Variants in POGLUT3 observed in about 807,000 individuals in gnomAD.
POGLUT3 encodes the protein protein O-glucosyltransferase 3.
A neutral mutation model predicts 54.3 loss-of-function variants in POGLUT3; 48 were observed. The observed-to-expected ratio is 0.88, with a 90% CI of 0.70 to 1.12. The LOEUF (loss-of-function observed/expected upper bound fraction) is 1.12. Among genes scored for constraint, POGLUT3 ranks in the 50% most tolerant of loss-of-function variants. POGLUT3 has a pLI of 0.00. For synonymous variants in POGLUT3, 218 were observed against 237.4 expected (o/e 0.92, Z 0.75); for missense variants, 629 against 618.7 (o/e 1.02, Z -0.18).
intron 1 of POGLUT3, 50 bp downstream of exon 1, chr11:108,498,115 C>G: frequency 6.9e-7 from 1 of 1,439,334 alleles, no homozygotes; most frequent in Non-Finnish European, 9.2e-7. Flanking sequence ...GCGGCGGGGA[C>G]GCGCGGGGAC....
chr11:108,495,354 G>A (rs1340661865), intron 1 of POGLUT3, among the ~76,000 whole-genome samples: 1 of 152,030 alleles, frequency 6.6e-6, no homozygotes, highest in African/African-American at 2.4e-5. Context: ...GGATTTTTTT[G>A]GTAGATGGGT....
At chr11:108,481,441 A>C in intron 4 of POGLUT3, 65 bp from the exon 5 acceptor site, 1 of 1,169,758 alleles carries the variant, frequency 8.5e-7, no homozygotes, top group Non-Finnish European at 1.2e-6. Context: ...GGCAAGCATA[A>C]TCCTCTTTAA....
At chr11:108,488,071 T>C (rs1173043207) in intron 2 of POGLUT3, among the ~76,000 whole-genome samples, 1 of 152,124 alleles carries the variant, frequency 6.6e-6, no homozygotes, top group Non-Finnish European at 1.5e-5. Context: ...TTGCCTAGGC[T>C]GGAGTGCAGT....
chr11:108,481,784 T>C (rs2093593177), intron 4 of POGLUT3, among the ~76,000 whole-genome samples: 1 of 152,222 alleles, frequency 6.6e-6, no homozygotes, highest in African/African-American at 2.4e-5. Flanking sequence ...TTCCATTTTC[T>C]GTGTTTCACA....
At chr11:108,485,019 A>C (rs2093600203) in intron 3 of POGLUT3, among the ~76,000 whole-genome samples, 1 of 152,170 alleles carries the variant, frequency 6.6e-6, no homozygotes, top group Admixed American at 6.6e-5. Flanking sequence ...GAGGCTAAGA[A>C]CTTAAGGTCA....
At chr11:108,480,739 T>C (rs1264516392) in intron 5 of POGLUT3, among the ~76,000 whole-genome samples, 6 of 152,136 alleles carry the variant, frequency 3.9e-5, no homozygotes, top group Admixed American at 3.9e-4. Flanking sequence ...GAAGGTCCCA[T>C]AGTTGGTGGC....
chr11:108,475,313 C>G (rs2093578700), intron 7 of POGLUT3, among the ~76,000 whole-genome samples: 1 of 152,148 alleles, frequency 6.6e-6, no homozygotes, highest in Admixed American at 6.6e-5. Flanking sequence ...AGCCAGCAAA[C>G]AAACAAGATA....
intron 7 of POGLUT3, among the ~76,000 whole-genome samples, chr11:108,476,701 C>T (rs1282333318): frequency 6.6e-6 from 1 of 152,088 alleles, no homozygotes; most frequent in African/African-American, 2.4e-5. Flanking sequence ...GAGTAAAACT[C>T]AAGGTAGTTA....
At position 108,474,704 on chromosome 11, in the gene POGLUT3, T is replaced by C. The variant is rs558828735; in HGVS notation, c.*123A>G. On this transcript the variant is annotated 3_prime_UTR_variant, in exon 8 of 8. Transcript: ENST00000323468. Reference sequence around the variant, plus strand: ...ACCAGTACTGCTATATCCATCTACATATATAAAGCCACCGGGAGAACTAGT... The same window carrying C: ...ACCAGTACTGCTATATCCATCTACACATATAAAGCCACCGGGAGAACTAGT... The C allele has an allele frequency of 7.4e-5, 81 of 1,101,708 alleles. No homozygotes were observed. The highest frequency in any genetic ancestry group is 1.1e-4 in the Non-Finnish European group (80 of 758,500). 68.2% of individuals were successfully genotyped at this position (1,101,708 alleles called of 1,614,324 possible).
In POGLUT3 at chr11:108,498,221, T is replaced by C; in HGVS notation, c.146A>G (p.Tyr49Cys). The change falls in exon 1 of 8, where the codon TAT (tyrosine) becomes TGT (cysteine). Residue 49 changes from tyrosine (Y) to cysteine (C), a missense_variant. By Grantham distance (194) the Tyr-to-Cys change is radical. Coordinates refer to ENST00000323468, the MANE Select transcript of POGLUT3 (RefSeq NM_153705.5). Reference sequence around the variant, plus strand: ...CGAGTTGACCGCCTGCAGGTAGAAATAGCGGACCGGCAGGACGACGGCCGC... The same window carrying C: ...CGAGTTGACCGCCTGCAGGTAGAAACAGCGGACCGGCAGGACGACGGCCGC... The part of the protein sequence containing the change: ...LQAAVVLPVR[Y>C]FYLQAVNSEG... 6.6e-7 allele frequency: 1 copy of C among 1,517,460 alleles called. No homozygotes were observed. The highest frequency in any genetic ancestry group is 8.8e-7 in the Non-Finnish European group (1 of 1,134,310). 94.0% of individuals were successfully genotyped at this position (1,517,460 alleles called of 1,614,324 possible).
rs1378914837 is a variant in POGLUT3, at chr11:108,472,301, T to C, written c.*2526A>G. 1 of 152,190 alleles carries C rather than the reference T, an allele frequency of 6.6e-6. No homozygotes were observed. Among genetic ancestry groups the C allele is most frequent in the Admixed American group, 6.5e-5 (1 of 15,272 alleles). The allele number at this position is 152,190 out of a possible 1,614,324, so 9.4% of individuals were successfully genotyped here. On this transcript the variant is annotated 3_prime_UTR_variant, in exon 8 of 8. Transcript: ENST00000323468. ...TGGCATTTTTCTTTATTTTGCAATT[T>C]GATCCATACTTACAGTAAAAAAAAA...
At position 108,481,354 on chromosome 11, in the gene POGLUT3, T is replaced by C. The variant is rs1188532693; in HGVS notation, c.924A>G (p.Thr308=). 19 of 1,582,810 alleles carry C rather than the reference T, an allele frequency of 1.2e-5. No individual in the cohort carries two copies. The highest frequency in any genetic ancestry group is 1.5e-5 in the Non-Finnish European group (17 of 1,171,790). The change falls in exon 5 of 8, where the codon ACA becomes ACG. Residue 308 remains threonine, a synonymous_variant. Transcript: ENST00000323468. ...CTCTACCTCTGAAGAAAGCTCTCTC[T>C]GTTTTATTGATCCAGGAAGGCCCTA... ...GNTGPSWINK[T]ERAFFRGRDS...
intron 3 of POGLUT3, among the ~76,000 whole-genome samples, chr11:108,482,506 C>T (rs960858773): frequency 6.6e-6 from 1 of 152,098 alleles, no homozygotes; most frequent in African/African-American, 2.4e-5. Context: ...GTAATCCCAG[C>T]ACTTTGGGAG....
chr11:108,494,954 TAAAG>T (rs911225764), intron 1 of POGLUT3, among the ~76,000 whole-genome samples: 7 of 152,098 alleles, frequency 4.6e-5, no homozygotes, highest in African/African-American at 1.7e-4. Context: ...TTACTGAAAA[TAAAG>T]ATACAGTTCT....
chr11:108,493,712 G>A (rs2093617009), intron 1 of POGLUT3, among the ~76,000 whole-genome samples: 1 of 149,436 alleles, frequency 6.7e-6, no homozygotes, highest in Non-Finnish European at 1.5e-5. Context: ...GCTGAGGCAG[G>A]AGACTCACTT....
chr11:108,481,880 C>G (rs2093593370), intron 4 of POGLUT3, 126 bp downstream of exon 4: 2 of 688,206 alleles, frequency 2.9e-6, no homozygotes. Flanking sequence ...TCTTTAATCC[C>G]TAGGTTGGTC....
At chr11:108,476,236 C>G (rs374279883) in intron 7 of POGLUT3, among the ~76,000 whole-genome samples, 5 of 152,116 alleles carry the variant, frequency 3.3e-5, no homozygotes, top group Non-Finnish European at 7.4e-5. Context: ...CAGGTTCAAG[C>G]GATTCTCCTG....
chr11:108,491,126 T>C lies in POGLUT3; in HGVS notation c.244A>G (p.Lys82Glu). 6.2e-7 allele frequency: 1 copy of C among 1,614,156 alleles called. No individual in the cohort carries two copies. Among genetic ancestry groups the C allele is most frequent in the Non-Finnish European group, 8.5e-7 (1 of 1,179,980 alleles). ...GGGACATGTATCCGGACCAACTCTT[T>C]AGGTGAAAGAGATTTGACTACGACT... ...FKVVVKSLSP[K>E]ELVRIHVPKP... is the part of the protein sequence containing the mutation. The change falls in exon 2 of 8, where the codon AAA (lysine) becomes GAA (glutamate). Residue 82 changes from lysine (K) to glutamate (E), a missense_variant. Transcript: ENST00000323468.
At position 108,472,148 on chromosome 11, in the gene POGLUT3, G is replaced by GTA. The variant is rs2093570164; in HGVS notation, c.*2677_*2678dup. ...TTAGAAAATTTATTTTATTTAAAAG[G>GTA]TATATATATACATAAGTCCCAAGAT... On this transcript the variant is annotated 3_prime_UTR_variant, in exon 8 of 8. Transcript: ENST00000323468. 1 of 151,912 alleles carries GTA rather than the reference G, an allele frequency of 6.6e-6. No homozygotes were observed. Among genetic ancestry groups the GTA allele is most frequent in the African/African-American group, 2.4e-5 (1 of 41,332 alleles). The allele number at this position is 151,912 out of a possible 1,614,324, so 9.4% of individuals were successfully genotyped here.
Sources: allele counts gnomAD v4.1 joint callset (sites outside exome capture counted in the v4.1 genomes callset), GRCh38; gene constraint gnomAD v4.1.1; transcripts MANE v1.5; gene names NCBI Gene and HGNC (gene_info 2026-07-23, HGNC 2026-07-21).